Variants in CASKIN1 observed in about 807,000 individuals in gnomAD.
CASKIN1 encodes caskin-1.
A neutral mutation model predicts 117.5 loss-of-function variants in CASKIN1; 42 were observed. The ratio of observed to expected loss-of-function variants is 0.36; its 90% confidence interval spans 0.28 to 0.46. The LOEUF is 0.46. Ranked by LOEUF, CASKIN1 falls within the 20% of genes least tolerant of loss-of-function variation. The probability of loss-of-function intolerance (pLI) is 1.00; values close to 1 mark genes in which losing one functional copy is unlikely to be tolerated. For missense variants in CASKIN1, 2,083 were observed against 2,077.3 expected (o/e 1.00, Z -0.05); for synonymous variants, 1,148 against 961.7 (o/e 1.19, Z -3.59).
intron 1 of CASKIN1, among the ~76,000 whole-genome samples, chr16:2,193,164 C>G (rs187374604): frequency 6.6e-6 from 1 of 152,024 alleles, no homozygotes; most frequent in African/African-American, 2.4e-5. Context: ...ATTACAGGCA[C>G]GCACCACCAC....
In CASKIN1 at chr16:2,188,624, T is replaced by G. The variant is rs144858957; in HGVS notation, c.617+403A>C. The stretch of plus-strand genomic sequence containing the variant: ...CCTTGGCCTCCCAAAGTGCTGGGAT[T>G]ACAAGTGTGAGCCGCCGGGGCACCC... On this transcript the variant is annotated intron_variant, in intron 6 of 19. Coordinates refer to ENST00000343516, the MANE Select transcript of CASKIN1 (RefSeq NM_020764.4). Among the ~76,000 whole-genome samples, 16 of 152,318 alleles carry G rather than the reference T, an allele frequency of 1.1e-4. 1 individual carries two copies. In the East Asian group the frequency reaches 3.1e-3, roughly 29 times the overall value.
intron 10 of CASKIN1, among the ~76,000 whole-genome samples, chr16:2,186,199 G>C (rs1257335958): frequency 6.6e-6 from 1 of 152,120 alleles, no homozygotes; most frequent in African/African-American, 2.4e-5. Flanking sequence ...GAACTCCTGG[G>C]CTCAAACAAT....
chr16:2,178,796 CTGCCGAGCCCCGCCCA>C (rs2093154640), intron 19 of CASKIN1, 90 bp downstream of exon 19: 1 of 1,201,424 alleles, frequency 8.3e-7, no homozygotes, highest in Non-Finnish European at 1.0e-6. Context: ...ACGCCCATCT[CTGCCGAGCCCCGCCCA>C]TCTCTGCCGA....
At position 2,182,056 on chromosome 16, in the gene CASKIN1, G is replaced by C; in HGVS notation, c.1630-127C>G. 1 of 1,342,744 alleles carries C rather than the reference G, an allele frequency of 7.4e-7. No homozygotes were observed. Among genetic ancestry groups the C allele is most frequent in the Admixed American group, 2.0e-5 (1 of 50,420 alleles). The allele number at this position is 1,342,744 out of a possible 1,614,324, so 83.2% of individuals were successfully genotyped here. A position where few individuals can be genotyped will look rare whatever the true frequency, so the allele number is the denominator to read the frequency against. On this transcript the variant is annotated intron_variant, in intron 16 of 19. Coordinates refer to ENST00000343516, the MANE Select transcript of CASKIN1 (RefSeq NM_020764.4). The surrounding 1 kb of genome is among the most constrained non-coding windows in gnomAD (Gnocchi z 4.1). ...AGACAGACAGGAGGACAAACGGATA[G>C]GCCGAGGTATTGGCACCAGAAATGT...
chr16:2,180,196 C>T lies in CASKIN1; in HGVS notation c.3172G>A (p.Glu1058Lys), dbSNP rs1421426958. The T allele has an allele frequency of 1.3e-6, 2 of 1,549,504 alleles. No individual in the cohort carries two copies. Among genetic ancestry groups the T allele is most frequent in the Non-Finnish European group, 1.7e-6 (2 of 1,147,300 alleles). The change falls in exon 18 of 20, where the codon GAG becomes AAG. Residue 1058 changes from glutamate (E) to lysine (K), a missense_variant. Physicochemically the swap from Glu to Lys is moderately conservative, Grantham distance 56. Transcript: ENST00000343516. ...KHKEAIGPGG[E>K]VVNRRRTLSG... ...AGCGTGCGGCGCCGGTTCACCACCT[C>T]CCCGCCAGGCCCGATGGCCTCTTTG...
In CASKIN1 at chr16:2,189,218, G is replaced by A; in HGVS notation, c.486+20C>T. ...TGGGGCTCCCCAGCCCCACCCCACA[G>A]GGCTCCACAGGAGACTCACCCCAAC... On this transcript the variant is annotated intron_variant, in intron 5 of 19. Transcript: ENST00000343516. 6.2e-7 allele frequency: 1 copy of A among 1,612,948 alleles called. No homozygotes were observed. Among genetic ancestry groups the A allele is most frequent in the East Asian group, 2.2e-5 (1 of 44,862 alleles).
Position 2,187,410 on chromosome 16 carries a change from C to T in CASKIN1, c.669G>A (p.Thr223=), listed in dbSNP as rs372009692. The T allele has an allele frequency of 8.7e-6, 14 of 1,611,070 alleles. No individual in the cohort carries two copies. The highest frequency in any genetic ancestry group is 3.3e-5 in the Admixed American group (2 of 60,020). The change falls in exon 7 of 20, where the codon ACG becomes ACA. Residue 223 remains threonine (T), a synonymous_variant. Transcript: ENST00000343516. ...IDINRQTKSG[T]ALHEAALCGK... ...CGCAGAGCGCAGCCTCGTGCAGGGC[C>T]GTGCCGGACTTGGTCTGGCGGTTAA...
At chr16:2,183,984 C>G (rs772370685) in intron 14 of CASKIN1, 43 bp from the exon 15 acceptor site, 28 of 1,362,020 alleles carry the variant, frequency 2.1e-5, no homozygotes, top group Non-Finnish European at 2.6e-5. Context: ...CCTGCCCGGC[C>G]GCGCCCTGCC....
At chr16:2,195,973 T>G (rs258292) in intron 1 of CASKIN1, among the ~76,000 whole-genome samples, 57,362 of 122,560 alleles carry the variant, frequency 0.47, 11,409 homozygotes, top group East Asian at 0.5. Flanking sequence ...GTGTGGTGGG[T>G]GGGGGGGGCA....
chr16:2,189,817 AC>A (rs998330810), intron 3 of CASKIN1, among the ~76,000 whole-genome samples: 17 of 151,156 alleles, frequency 1.1e-4, no homozygotes, highest in South Asian at 4.2e-4. Context: ...CCCAAGGCCA[AC>A]CCTGGGAGGT....
At chr16:2,187,548 C>T (rs26835) in intron 6 of CASKIN1, 87 bp from the exon 7 acceptor site, 432,147 of 1,052,740 alleles carry the variant, frequency 0.41, 94,817 homozygotes, top group East Asian at 0.51. Flanking sequence ...TTTCCAGGTA[C>T]CCCAGCAGTC....
At chr16:2,186,385 A>G (rs1022920780) in intron 10 of CASKIN1, among the ~76,000 whole-genome samples, 23 of 152,104 alleles carry the variant, frequency 1.5e-4, no homozygotes, top group East Asian at 1.9e-4. Context: ...TCCGGGTCAC[A>G]TGTCCTTTCA....
Position 2,178,463 on chromosome 16 carries a change from C to T in CASKIN1, c.*87G>A, listed in dbSNP as rs1224213120. The T allele has an allele frequency of 2.7e-6, 3 of 1,101,322 alleles. No individual in the cohort carries two copies. The highest frequency in any genetic ancestry group is 3.7e-6 in the Non-Finnish European group (3 of 814,140). The allele number at this position is 1,101,322 out of a possible 1,614,324, so 68.2% of individuals were successfully genotyped here. A position where few individuals can be genotyped will look rare whatever the true frequency, so the allele number is the denominator to read the frequency against. ...CTGCAGGGCCCTGCCCGGCCGCTCG[C>T]GCCGCGCCCAGACGCGCCCATCCTG... On this transcript the variant is annotated 3_prime_UTR_variant, in exon 20 of 20. Coordinates refer to ENST00000343516, the MANE Select transcript of CASKIN1 (RefSeq NM_020764.4).
intron 1 of CASKIN1, among the ~76,000 whole-genome samples, chr16:2,192,030 G>A (rs952881350): frequency 6.6e-6 from 1 of 152,218 alleles, no homozygotes; most frequent in African/African-American, 2.4e-5. Flanking sequence ...CGTGGCTCAC[G>A]CCTGTAACCC....
chr16:2,183,812 C>T lies in CASKIN1; in HGVS notation c.1527+19G>A, dbSNP rs553327783. ...ATCTGTGGGACGCAGCTGGCGCTGG[C>T]GGCGCATGGAAAGCTCACCTCGGGA... On this transcript the variant is annotated intron_variant, in intron 15 of 19. Transcript: ENST00000343516. The T allele has an allele frequency of 2.1e-5, 34 of 1,611,310 alleles. No individual in the cohort carries two copies. The Admixed American group carries it at 4.8e-4, about 23-fold the overall frequency.
chr16:2,184,957 A>C lies in CASKIN1; in HGVS notation c.1318T>G (p.Ser440Ala). ...GDSPAKPPEG[S>A]AGVARSQPPV... ...GCAGCACCCTTGCTCTTACCTGCAG[A>C]GCCTTCCGGAGGCTTGGCGGGGCTG... is the stretch of plus-strand genomic sequence containing the variant. Residue 440 changes from serine (S) to alanine (A), a missense_variant, in exon 13 of 20, where the codon TCT (serine) becomes GCT (alanine). Ser to Ala is a moderately conservative substitution (Grantham distance 99, BLOSUM62 1). This residue lies in a region of CASKIN1 where 1,818 missense variants were observed against 1,688.9 expected (regional missense o/e 1.08). Coordinates refer to ENST00000343516, the MANE Select transcript of CASKIN1 (RefSeq NM_020764.4). The C allele has an allele frequency of 6.2e-7, 1 of 1,602,238 alleles. No individual in the cohort carries two copies. Among genetic ancestry groups the C allele is most frequent in the Non-Finnish European group, 8.5e-7 (1 of 1,171,516 alleles).
chr16:2,193,081 G>A (rs1182443705), intron 1 of CASKIN1, among the ~76,000 whole-genome samples: 3 of 152,048 alleles, frequency 2.0e-5, no homozygotes, highest in Non-Finnish European at 4.4e-5. Context: ...GCAATGGTGC[G>A]ATCTCGGCTC....
Position 2,179,983 on chromosome 16 carries a change from G to A in CASKIN1, c.3385C>T (p.Arg1129Trp), listed in dbSNP as rs368699520. 25 of 1,605,384 alleles carry A rather than the reference G, an allele frequency of 1.6e-5. No individual in the cohort carries two copies. The highest frequency in any genetic ancestry group is 2.3e-5 in the East Asian group (1 of 44,352). ...TTCTCCTGCTGGTTCTGCTTGGCCC[G>A]GATGCGCCTCTTGAGTGTGGCGCTG... ...EASATLKRRI[R>W]AKQNQQENVK... is the part of the protein sequence containing the mutation. Residue 1129 changes from arginine (R) to tryptophan (W), a missense_variant, in exon 18 of 20, where the codon CGG becomes TGG. This residue lies in a region of CASKIN1 where 1,818 missense variants were observed against 1,688.9 expected (regional missense o/e 1.08). Coordinates refer to ENST00000343516, the MANE Select transcript of CASKIN1 (RefSeq NM_020764.4). This position sits in a 1 kb window ranked among gnomAD's most constrained non-coding sequence, Gnocchi z 5.8.
At chr16:2,188,837 G>GC (rs969653935) in intron 6 of CASKIN1, 190 bp downstream of exon 6, 41 of 761,770 alleles carry the variant, frequency 5.4e-5, no homozygotes, top group Non-Finnish European at 4.1e-5. Context: ...CGTCGCAGAA[G>GC]CCCCCTTCCC....
Sources: allele counts gnomAD v4.1 joint callset (sites outside exome capture counted in the v4.1 genomes callset), GRCh38; gene constraint gnomAD v4.1.1; regional missense constraint gnomAD v4.1.1; non-coding constraint Gnocchi (gnomAD v3.1); transcripts MANE v1.5; gene names NCBI Gene and HGNC (gene_info 2026-07-23, HGNC 2026-07-21).